Variants in IRAK2 observed in about 807,000 individuals in gnomAD.
The protein encoded by IRAK2 is interleukin-1 receptor-associated kinase-like 2.
IRAK2 carries 57 observed loss-of-function variants against 72.0 expected under a neutral mutation model. That is an observed-to-expected ratio of 0.79 (90% CI 0.64 to 0.99). The LOEUF is 0.99. Among genes scored for constraint, IRAK2 ranks in the 50% least tolerant of loss-of-function variants. IRAK2 has a pLI of 0.00. For synonymous variants in IRAK2, 293 were observed against 312.7 expected, an observed-to-expected ratio of 0.94 and a Z score of 0.67; for missense variants, 790 against 794.4, an observed-to-expected ratio of 0.99 and a Z score of 0.07.
At chr3:10,199,418 A>G (rs1048239707) in intron 2 of IRAK2, among the ~76,000 whole-genome samples, 2 of 152,196 alleles carry the variant, frequency 1.3e-5, no homozygotes, top group Non-Finnish European at 2.9e-5. Flanking sequence ...AACAGGGATG[A>G]GAAGCAGAGA....
At chr3:10,231,293 A>T (rs1361471414) in intron 10 of IRAK2, among the ~76,000 whole-genome samples, 2 of 151,796 alleles carry the variant, frequency 1.3e-5, no homozygotes, top group Admixed American at 1.3e-4. Flanking sequence ...ACTTATGTTT[A>T]ATTTTAATTT....
chr3:10,225,738 G>A (rs1431882865), intron 9 of IRAK2, among the ~76,000 whole-genome samples: 47 of 147,506 alleles, frequency 3.2e-4, no homozygotes, highest in Middle Eastern at 3.5e-3. Flanking sequence ...TTGCTCTGTC[G>A]CCCAGGCTGG....
chr3:10,167,438 G>A (rs7619365), intron 1 of IRAK2, among the ~76,000 whole-genome samples: 3,758 of 149,576 alleles, frequency 0.025, 163 homozygotes, highest in African/African-American at 0.088. Context: ...TTTTTGAGAC[G>A]GAGTCTCGCT....
Position 10,222,774 on chromosome 3 carries a change from G to C in IRAK2, c.1152G>C (p.Glu384Asp). 6.2e-7 allele frequency: 1 copy of C among 1,614,208 alleles called. No individual in the cohort carries two copies. Among genetic ancestry groups the C allele is most frequent in the South Asian group, 1.1e-5 (1 of 91,084 alleles). ...LLRTSAAYLP[E>D]DFIRVGQLTK... is the part of the protein sequence containing the mutation. ...GGACGTCAGCCGCGTATCTGCCAGA[G>C]GATTTCATCCGGGTGGGGCAGCTGA... The change falls in exon 9 of 13, where the codon GAG (glutamate) becomes GAC (aspartate). Residue 384 changes from glutamate (E) to aspartate (D), a missense_variant. Glu to Asp is a conservative substitution (Grantham distance 45). Transcript: ENST00000256458.
chr3:10,189,491 C>A (rs949935350), intron 2 of IRAK2, among the ~76,000 whole-genome samples: 4 of 152,200 alleles, frequency 2.6e-5, no homozygotes, highest in African/African-American at 7.2e-5. Flanking sequence ...TTCCAGATGT[C>A]AACTGAGTAG....
At chr3:10,211,964 C>T (rs1697528598) in intron 4 of IRAK2, among the ~76,000 whole-genome samples, 1 of 151,470 alleles carries the variant, frequency 6.6e-6, no homozygotes, top group East Asian at 1.9e-4. Context: ...CCTGTAGTCC[C>T]AGCTGCTCGG....
chr3:10,187,955 G>A (rs1351384750), intron 2 of IRAK2, among the ~76,000 whole-genome samples: 1 of 152,166 alleles, frequency 6.6e-6, no homozygotes, highest in East Asian at 1.9e-4. Context: ...GGGGCTTAAC[G>A]ATGAGAGGCC....
intron 1 of IRAK2, among the ~76,000 whole-genome samples, chr3:10,170,632 G>GGGC (rs893604644): frequency 2.3e-4 from 35 of 152,202 alleles, no homozygotes; most frequent in African/African-American, 8.4e-4. Context: ...GTGCGGGCAG[G>GGGC]GGCCTTACCT....
intron 2 of IRAK2, among the ~76,000 whole-genome samples, chr3:10,178,823 G>C (rs75542636): frequency 0.032 from 4,805 of 152,028 alleles, 114 homozygotes; most frequent in Middle Eastern, 0.048. Context: ...TTTTTTTTGA[G>C]ACAGGGTCGT....
At chr3:10,177,765 G>T in intron 1 of IRAK2, 73 bp from the exon 2 acceptor site, 1 of 1,452,642 alleles carries the variant, frequency 6.9e-7, no homozygotes, top group Middle Eastern at 1.7e-4. Context: ...GCCCAGCTAG[G>T]GGCTAGTGTG....
At chr3:10,190,283 T>C (rs1351862635) in intron 2 of IRAK2, among the ~76,000 whole-genome samples, 1 of 138,596 alleles carries the variant, frequency 7.2e-6, no homozygotes, top group South Asian at 2.5e-4. Flanking sequence ...TTGTTTCTTT[T>C]TTTTTTTTTT....
At chr3:10,240,183 G>T (rs145315414) in intron 12 of IRAK2, among the ~76,000 whole-genome samples, 2 of 150,818 alleles carry the variant, frequency 1.3e-5, no homozygotes, top group Non-Finnish European at 1.5e-5. Context: ...CTGGCTGGGC[G>T]CAGTGGCTCA....
intron 1 of IRAK2, among the ~76,000 whole-genome samples, chr3:10,168,615 C>T (rs1696742185): frequency 6.6e-6 from 1 of 152,182 alleles, no homozygotes; most frequent in Admixed American, 6.6e-5. Context: ...AGCATCTTTT[C>T]CTGTGCTTGT....
At chr3:10,218,446 C>CAGA (rs367761619) in intron 7 of IRAK2, among the ~76,000 whole-genome samples, 1 of 132,132 alleles carries the variant, frequency 7.6e-6, no homozygotes, top group Non-Finnish European at 1.6e-5. Context: ...AAAAAAAAAA[C>CAGA]CAAAACGGTG....
chr3:10,172,030 G>T (rs1696801557), intron 1 of IRAK2, among the ~76,000 whole-genome samples: 1 of 152,070 alleles, frequency 6.6e-6, no homozygotes, highest in South Asian at 2.1e-4. Context: ...GAGGTCAGGA[G>T]TTCGAAACCA....
intron 1 of IRAK2, among the ~76,000 whole-genome samples, chr3:10,165,441 G>A (rs528593458): frequency 3.0e-4 from 45 of 152,248 alleles, no homozygotes; most frequent in East Asian, 2.7e-3. Context: ...GGGTGTGTGT[G>A]TGTGTGTGTG....
intron 2 of IRAK2, among the ~76,000 whole-genome samples, chr3:10,187,641 T>C (rs1697098774): frequency 6.6e-6 from 1 of 152,204 alleles, no homozygotes; most frequent in African/African-American, 2.4e-5. Flanking sequence ...CTTTGGAGAT[T>C]TACAATGCAT....
chr3:10,165,009 A>G lies in IRAK2; in HGVS notation c.55A>G (p.Asn19Asp), dbSNP rs1343670589. The G allele has an allele frequency of 1.2e-6, 2 of 1,611,810 alleles. No homozygotes were observed. Among genetic ancestry groups the G allele is most frequent in the Non-Finnish European group, 1.7e-6 (2 of 1,179,602 alleles). ...PSWVLDDLCR[N>D]MDALSEWDWM... is the part of the protein sequence containing the mutation. ...CTGGGTGCTGGACGACCTGTGCCGC[A>G]ACATGGACGCGCTCAGCGAGTGGGA... Residue 19 changes from asparagine (N) to aspartate (D), a missense_variant, in exon 1 of 13, where the codon AAC becomes GAC. Physicochemically the swap from Asn to Asp is conservative, Grantham distance 23. Coordinates refer to ENST00000256458, the MANE Select transcript of IRAK2 (RefSeq NM_001570.4).
At chr3:10,232,979 G>A (rs1033875988) in intron 10 of IRAK2, among the ~76,000 whole-genome samples, 3 of 152,160 alleles carry the variant, frequency 2.0e-5, no homozygotes, top group African/African-American at 4.8e-5. Context: ...TGGGAGGATC[G>A]ATTGAATCGA....
Sources: gnomAD v4.1 joint callset for allele counts (sites outside exome capture counted in the v4.1 genomes callset) on GRCh38, gnomAD v4.1.1 for gene constraint, MANE v1.5 for transcripts, NCBI Gene and HGNC (gene_info 2026-07-23, HGNC 2026-07-21) for gene names.